Variants in ZBTB7C observed in about 807,000 individuals in gnomAD.
ZBTB7C encodes zinc finger and BTB domain-containing protein 7C.
Under a neutral mutation model 25.7 loss-of-function variants are expected in ZBTB7C, and 8 were observed. The ratio of observed to expected loss-of-function variants is 0.31; its 90% confidence interval spans 0.18 to 0.56. The LOEUF is 0.56. Among genes scored for constraint, ZBTB7C ranks in the 20% least tolerant of loss-of-function variants. ZBTB7C has a pLI of 0.91. For missense variants in ZBTB7C, 824 were observed against 855.2 expected (o/e 0.96, Z 0.46); for synonymous variants, 394 against 369.0 (o/e 1.07, Z -0.78).
intron 2 of ZBTB7C, among the ~76,000 whole-genome samples, chr18:48,241,583 A>C (rs1372168600): frequency 6.6e-6 from 1 of 152,238 alleles, no homozygotes; most frequent in Non-Finnish European, 1.5e-5. Flanking sequence ...CATGGAAATT[A>C]AATAATCTGC....
At chr18:48,060,479 G>T (rs550155011) in intron 3 of ZBTB7C, among the ~76,000 whole-genome samples, 1 of 151,996 alleles carries the variant, frequency 6.6e-6, no homozygotes, top group South Asian at 2.1e-4. Flanking sequence ...CACCCCCTCT[G>T]CTCCTCCTGC....
chr18:48,129,925 C>T (rs1181271991), intron 3 of ZBTB7C, among the ~76,000 whole-genome samples: 7 of 152,226 alleles, frequency 4.6e-5, no homozygotes, highest in Admixed American at 4.6e-4. Flanking sequence ...CTCCCTTTCC[C>T]TCCTCTGCCT....
intron 3 of ZBTB7C, among the ~76,000 whole-genome samples, chr18:48,134,832 C>T (rs2040097281): frequency 6.6e-6 from 1 of 152,246 alleles, no homozygotes; most frequent in East Asian, 1.9e-4. Flanking sequence ...AAACCCACAA[C>T]TGTAAACCCT....
intron 2 of ZBTB7C, among the ~76,000 whole-genome samples, chr18:48,244,216 C>T (rs547153963): frequency 3.9e-5 from 6 of 152,124 alleles, no homozygotes; most frequent in Non-Finnish European, 8.8e-5. Context: ...GAGATCGAGA[C>T]CACTCTGGCT....
chr18:48,283,650 A>G (rs1435776874), intron 2 of ZBTB7C, among the ~76,000 whole-genome samples: 2 of 152,346 alleles, frequency 1.3e-5, no homozygotes, highest in South Asian at 2.1e-4. Context: ...GTCAAAATAC[A>G]TGAATTTGAG....
At chr18:48,090,955 G>A (rs1206442216) in intron 3 of ZBTB7C, among the ~76,000 whole-genome samples, 1 of 152,024 alleles carries the variant, frequency 6.6e-6, no homozygotes, top group Non-Finnish European at 1.5e-5. Context: ...GAAATACACT[G>A]TGAGCCACCT....
chr18:48,291,381 C>G (rs1405469450), intron 2 of ZBTB7C, among the ~76,000 whole-genome samples: 2 of 152,156 alleles, frequency 1.3e-5, no homozygotes, highest in Non-Finnish European at 2.9e-5. Context: ...TTCAACAAAG[C>G]AGCAACAAAA....
At chr18:48,226,565 C>T (rs1372539968) in intron 2 of ZBTB7C, among the ~76,000 whole-genome samples, 1 of 152,182 alleles carries the variant, frequency 6.6e-6, no homozygotes, top group Non-Finnish European at 1.5e-5. Flanking sequence ...TGCATGACTG[C>T]ACTGCAAGCA....
At chr18:48,156,452 T>C (rs754180931) in intron 3 of ZBTB7C, among the ~76,000 whole-genome samples, 1 of 152,194 alleles carries the variant, frequency 6.6e-6, no homozygotes, top group Non-Finnish European at 1.5e-5. Context: ...TTTGTGAGGA[T>C]TCAGTTAGAG....
At chr18:48,330,499 CA>C (rs756400470) in intron 2 of ZBTB7C, among the ~76,000 whole-genome samples, 1 of 152,134 alleles carries the variant, frequency 6.6e-6, no homozygotes, top group Non-Finnish European at 1.5e-5. Context: ...CTCAAGTCAC[CA>C]CTGCCAGCCT....
chr18:48,089,327 G>A (rs539094195), intron 3 of ZBTB7C, among the ~76,000 whole-genome samples: 5 of 152,020 alleles, frequency 3.3e-5, no homozygotes, highest in South Asian at 4.2e-4. Context: ...AAAATTAGCC[G>A]GGTGTGGTGG....
Position 48,029,049 on chromosome 18 carries a change from CT to C in ZBTB7C, c.*210del. ...AGGGAGGGAGGCCCGGGCTCCTGGCCTTTTGGGAAAAGATGCCCGTCTCAGA... is the reference window on the plus strand; with the variant it reads ...AGGGAGGGAGGCCCGGGCTCCTGGCCTTTGGGAAAAGATGCCCGTCTCAGA... On this transcript the variant is annotated 3_prime_UTR_variant, in exon 5 of 5. Coordinates refer to ENST00000590800, the MANE Select transcript of ZBTB7C (RefSeq NM_001318841.2). 1.5e-6 allele frequency: 1 copy of C among 688,144 alleles called. No individual in the cohort carries two copies. The allele number at this position is 688,144 out of a possible 1,614,324, so 42.6% of individuals were successfully genotyped here.
intron 2 of ZBTB7C, among the ~76,000 whole-genome samples, chr18:48,187,844 A>T (rs546256967): frequency 6.8e-6 from 1 of 148,010 alleles, no homozygotes; most frequent in African/African-American, 2.5e-5. Context: ...AAAAAAAAAG[A>T]CAGGAAGTAG....
chr18:48,313,772 A>T (rs2045878343), intron 2 of ZBTB7C, among the ~76,000 whole-genome samples: 1 of 152,168 alleles, frequency 6.6e-6, no homozygotes, highest in Non-Finnish European at 1.5e-5. Flanking sequence ...TCTGTGGGTG[A>T]GTAACATGGT....
At chr18:48,409,989 G>A (rs1011933081), upstream of ZBTB7C, among the ~76,000 whole-genome samples, 34 of 116,908 alleles carry the variant, frequency 2.9e-4, no homozygotes, top group East Asian at 1.5e-3. Context: ...CAGCGGTGCG[G>A]CAGAGATGGG....
chr18:48,090,230 T>C (rs11659506), intron 3 of ZBTB7C, among the ~76,000 whole-genome samples: 31,281 of 152,196 alleles, frequency 0.21, 3,324 homozygotes, highest in Admixed American at 0.27. Context: ...CAGGGACTGT[T>C]GCTGTGTACC....
intron 3 of ZBTB7C, among the ~76,000 whole-genome samples, chr18:48,176,675 T>C (rs2145064939): frequency 6.6e-6 from 1 of 152,032 alleles, no homozygotes; most frequent in African/African-American, 2.4e-5. Flanking sequence ...GCAAGTGCTG[T>C]AAAATGTTAA....
intron 2 of ZBTB7C, among the ~76,000 whole-genome samples, chr18:48,242,770 T>C (rs750634298): frequency 1.1e-4 from 17 of 152,110 alleles, no homozygotes; most frequent in Non-Finnish European, 2.4e-4. Context: ...TTGAGACCAT[T>C]TTCCCTGAGA....
intron 2 of ZBTB7C, among the ~76,000 whole-genome samples, chr18:48,195,660 C>T (rs1324327947): frequency 6.6e-6 from 1 of 151,706 alleles, no homozygotes; most frequent in Non-Finnish European, 1.5e-5. Flanking sequence ...GTTTTTTTTT[C>T]CACTTGAATG....
Sources: allele counts gnomAD v4.1 joint callset (sites outside exome capture counted in the v4.1 genomes callset), GRCh38; gene constraint gnomAD v4.1.1; transcripts MANE v1.5; gene names NCBI Gene and HGNC (gene_info 2026-07-23, HGNC 2026-07-21).